The following FRMPD4 variants were observed in gnomAD, a reference collection of about 807,000 sequenced individuals.
FRMPD4 encodes the protein FERM and PDZ domain containing 4.
In FRMPD4, 22 loss-of-function variants were observed where a neutral mutation model predicts 94.1. The observed-to-expected ratio is 0.23, with a 90% CI of 0.17 to 0.33. The LOEUF (loss-of-function observed/expected upper bound fraction) is 0.33. Ranked by LOEUF, FRMPD4 falls within the 10% of genes least tolerant of loss-of-function variation. FRMPD4 has a pLI of 1.00. For synonymous variants in FRMPD4, 631 were observed against 548.6 expected, an observed-to-expected ratio of 1.15 and a Z score of -2.10; for missense variants, 1,111 against 1,339.9, an observed-to-expected ratio of 0.83 and a Z score of 2.67.
At chrX:11,920,571 G>A (rs1161995568) in intron 3 of FRMPD4, among the ~76,000 whole-genome samples, 2 of 112,432 alleles carry the variant, frequency 1.8e-5, no homozygotes, top group Admixed American at 1.9e-4. Context: ...AACTTTTTCA[G>A]TTTCTAAGAA....
chrX:12,381,614 T>A (rs191989841), intron 1 of FRMPD4, among the ~76,000 whole-genome samples: 1 of 112,183 alleles, frequency 8.9e-6, no homozygotes, highest in Non-Finnish European at 1.9e-5. Flanking sequence ...CATCTTAGCA[T>A]CTTATTTAGA....
intron 1 of FRMPD4, among the ~76,000 whole-genome samples, chrX:12,156,271 G>A (rs893216764): frequency 9.0e-6 from 1 of 111,451 alleles, no homozygotes; most frequent in Non-Finnish European, 1.9e-5. Flanking sequence ...TCTATTTCTA[G>A]TGTGAGAGAG....
intron 2 of FRMPD4, among the ~76,000 whole-genome samples, chrX:12,522,883 G>A (rs144192066): frequency 0.02 from 2,189 of 111,762 alleles, 45 homozygotes; most frequent in African/African-American, 0.062. Context: ...GATTCCAGGC[G>A]TGAGCCACCG....
intron 1 of FRMPD4, among the ~76,000 whole-genome samples, chrX:12,357,046 C>A (rs2055905045): frequency 8.9e-6 from 1 of 112,187 alleles, no homozygotes; most frequent in Middle Eastern, 4.6e-3. Flanking sequence ...AAAGATATTT[C>A]TTTTACCTAA....
intron 1 of FRMPD4, among the ~76,000 whole-genome samples, chrX:12,315,848 T>A (rs913237281): frequency 3.6e-5 from 4 of 111,554 alleles, no homozygotes; most frequent in Non-Finnish European, 7.5e-5. Context: ...TTTGGCAATG[T>A]CTAAAGACAT....
In FRMPD4 at chrX:11,959,084, A is replaced by AT. The variant is rs1453660636; in HGVS notation, c.95+81072dup. 3.5e-5 allele frequency among the ~76,000 whole-genome samples: 4 copies of AT among 112,813 alleles called. No individual in the cohort carries two copies. In the East Asian group the frequency reaches 1.1e-3, roughly 31 times the overall value. ...CAAACTATTTATTATTGCAGGTTGT[A>AT]TTTTTTAAAGTTATTTCCATAAGTG... is the stretch of plus-strand genomic sequence containing the variant. On this transcript the variant is annotated intron_variant, in intron 3 of 18. Transcript: ENST00000640291.
chrX:12,272,984 C>A (rs1485432277), intron 1 of FRMPD4, among the ~76,000 whole-genome samples: 1 of 108,023 alleles, frequency 9.3e-6, no homozygotes, highest in East Asian at 2.9e-4. Flanking sequence ...GACTGAGGCA[C>A]AAGAATCACT....
At chrX:12,434,913 T>C (rs138492253) in intron 1 of FRMPD4, among the ~76,000 whole-genome samples, 9 of 112,829 alleles carry the variant, frequency 8.0e-5, no homozygotes, top group Non-Finnish European at 1.7e-4. Flanking sequence ...GCCATGTTAA[T>C]TGTAGGATCT....
chrX:12,335,123 TTTTC>T (rs981067208), intron 1 of FRMPD4, among the ~76,000 whole-genome samples: 7 of 110,103 alleles, frequency 6.4e-5, no homozygotes, highest in Admixed American at 9.7e-5. Context: ...ATCCTTCTTT[TTTTC>T]TTTCTTTCTT....
intron 3 of FRMPD4, among the ~76,000 whole-genome samples, chrX:11,990,839 C>T (rs930585616): frequency 3.6e-5 from 4 of 111,750 alleles, no homozygotes; most frequent in African/African-American, 9.7e-5. Context: ...TTTACAGAGC[C>T]GCAAGCTACT....
At position 12,645,971 on chromosome X, in the gene FRMPD4, C is replaced by T. The variant is rs1296283261; in HGVS notation, c.423-28892C>T. On this transcript the variant is annotated intron_variant, in intron 4 of 16. Transcript: ENST00000675598. The stretch of plus-strand genomic sequence containing the variant: ...AACGGAAATCACGATCTCCACCAAC[C>T]CTGTTCTTCATAGCCTTGAGAGTAG... Among the ~76,000 whole-genome samples the T allele has an allele frequency of 1.9e-4, 21 of 111,560 alleles. No homozygotes were observed. The Admixed American group carries it at 2.0e-3, about 11-fold the overall frequency.
chrX:12,038,805 A>G (rs1370753092), intron 3 of FRMPD4, among the ~76,000 whole-genome samples: 1 of 111,683 alleles, frequency 9.0e-6, no homozygotes, highest in Non-Finnish European at 1.9e-5. Flanking sequence ...ACTCATTCCT[A>G]ATTTTGGTAA....
rs752595162 is a variant in FRMPD4 at position 12,664,613 on chromosome X, T to G, written c.423-10250T>G. On this transcript the variant is annotated intron_variant, in intron 4 of 16. Transcript: ENST00000675598. ...TGCTGGATTTGGTTTGCTAGTATTT[T>G]ATTGAGGATTTTCGCATTGATGTTC... 4.5e-5 allele frequency among the ~76,000 whole-genome samples: 5 copies of G among 112,181 alleles called. No homozygotes were observed. In the South Asian group the frequency reaches 1.8e-3, roughly 41 times the overall value.
rs1054164221 is a variant in FRMPD4 at position 12,562,874 on chromosome X, T to C, written c.159-46847T>C. 5.3e-5 allele frequency among the ~76,000 whole-genome samples: 6 copies of C among 112,296 alleles called. No individual in the cohort carries two copies. In the Admixed American group the frequency reaches 5.7e-4, roughly 11 times the overall value. On this transcript the variant is annotated intron_variant, in intron 2 of 16. Coordinates refer to ENST00000675598, the MANE Select transcript of FRMPD4 (RefSeq NM_001368397.1). ...CGTGTTGCCCAGGCTGGTCTCAAAC[T>C]CTTGGGCTCAAGCGATCCTCCTGCC... is the stretch of plus-strand genomic sequence containing the variant.
At chrX:12,644,564 C>G (rs1055008550) in intron 4 of FRMPD4, among the ~76,000 whole-genome samples, 17 of 111,209 alleles carry the variant, frequency 1.5e-4, no homozygotes, top group Non-Finnish European at 3.0e-4. Flanking sequence ...TGAAGCAAGA[C>G]CTCACATGTC....
chrX:12,570,377 C>A (rs886863877), intron 2 of FRMPD4, among the ~76,000 whole-genome samples: 1 of 111,797 alleles, frequency 8.9e-6, no homozygotes, highest in Non-Finnish European at 1.9e-5. Context: ...ACGATCTCAG[C>A]TCACTGCAAC....
chrX:12,425,820 T>C (rs2148096061), intron 1 of FRMPD4, among the ~76,000 whole-genome samples: 1 of 112,417 alleles, frequency 8.9e-6, no homozygotes, highest in South Asian at 3.7e-4. Flanking sequence ...TGTTTTACTC[T>C]GTCTTTACTA....
intron 4 of FRMPD4, among the ~76,000 whole-genome samples, chrX:12,656,330 C>G (rs758820749): frequency 3.6e-5 from 4 of 112,054 alleles, no homozygotes; most frequent in Non-Finnish European, 3.8e-5. Flanking sequence ...TTTGACCTAC[C>G]AATTCCACTC....
chrX:12,677,321 C>G (rs974579200), intron 5 of FRMPD4, among the ~76,000 whole-genome samples: 4 of 111,310 alleles, frequency 3.6e-5, no homozygotes, highest in African/African-American at 1.3e-4. Flanking sequence ...CTTTTCTCTC[C>G]TCCGAGGTGT....
Sources: gnomAD v4.1 joint callset for allele counts (sites outside exome capture counted in the v4.1 genomes callset) on GRCh38, gnomAD v4.1.1 for gene constraint, MANE v1.5 for transcripts, NCBI Gene and HGNC (gene_info 2026-07-23, HGNC 2026-07-21) for gene names.